Variants in KRIT1 observed in about 807,000 individuals in gnomAD.
KRIT1 encodes the protein KRIT1 ankyrin repeat containing.
In KRIT1, 45 loss-of-function variants were observed where a neutral mutation model predicts 95.8. The ratio of observed to expected loss-of-function variants is 0.47; its 90% CI spans 0.37 to 0.60. The LOEUF (loss-of-function observed/expected upper bound fraction) is 0.60. KRIT1 is among the 20% of genes least tolerant of loss of function. KRIT1 has a pLI of 0.00. For missense variants in KRIT1, 788 were observed against 877.5 expected (o/e 0.90, Z 1.29); for synonymous variants, 282 against 278.8 (o/e 1.01, Z -0.11).
chr7:92,210,758 G>A (rs1792626537), intron 17 of KRIT1, among the ~76,000 whole-genome samples: 1 of 152,166 alleles, frequency 6.6e-6, no homozygotes, highest in Admixed American at 6.5e-5. Flanking sequence ...GTGGTGAATG[G>A]GAGACAGTAT....
chr7:92,215,719 G>A (rs1249338065), intron 14 of KRIT1, among the ~76,000 whole-genome samples: 1 of 151,372 alleles, frequency 6.6e-6, no homozygotes, highest in East Asian at 1.9e-4. Context: ...GCCTCCCAAA[G>A]TGTTGGGACT....
Position 92,241,106 on chromosome 7 carries a change from T to C in KRIT1, c.149A>G (p.Lys50Arg), listed in dbSNP as rs1799533617. Reference sequence around the variant, plus strand: ...AAGTTTCGTTTCCAATAAAACTTTCTTTCTCTTTTTTTTCTGTCCTTCAAT... The same window carrying C: ...AAGTTTCGTTTCCAATAAAACTTTCCTTCTCTTTTTTTTCTGTCCTTCAAT... The part of the protein sequence containing the change: ...VPIEGQKKKR[K>R]KVLLETKLQG... Residue 50 changes from lysine to arginine, a missense_variant, in exon 5 of 19, where the codon AAG (lysine) becomes AGG (arginine). Physicochemically the swap from Lys to Arg is conservative, Grantham distance 26 (BLOSUM62 2). Around this residue, in one of 3 missense-constraint regions of KRIT1, gnomAD observed 289 missense variants for 277.5 expected, o/e 1.04. Transcript: ENST00000394505. The C allele has an allele frequency of 6.2e-7, 1 of 1,611,200 alleles. No individual in the cohort carries two copies. Among genetic ancestry groups the C allele is most frequent in the Admixed American group, 1.7e-5 (1 of 59,984 alleles).
intron 6 of KRIT1, among the ~76,000 whole-genome samples, chr7:92,236,889 AT>A (rs1269437645): frequency 6.6e-6 from 1 of 152,192 alleles, no homozygotes; most frequent in African/African-American, 2.4e-5. Context: ...CAGCTGGCTA[AT>A]AAAATACATG....
chr7:92,223,768 A>G (rs1795651255), intron 12 of KRIT1, among the ~76,000 whole-genome samples: 1 of 152,200 alleles, frequency 6.6e-6, no homozygotes, highest in South Asian at 2.1e-4. Context: ...AAAGTTATCA[A>G]TGAACTTTGA....
In KRIT1 at chr7:92,236,472, A is replaced by G. The variant is rs761025657; in HGVS notation, c.426T>C (p.Cys142=). The change falls in exon 7 of 19, where the codon TGT becomes TGC. Residue 142 remains cysteine, a synonymous_variant. Coordinates refer to ENST00000394505, the MANE Select transcript of KRIT1 (RefSeq NM_194454.3). ...FYCLQDIMRV[C]SESSTHFATL... ...TAGCAAAATGAGTACTGGATTCACTACAGACTCGCATAATATCTTGTAAGC... is the reference window on the plus strand; with the variant it reads ...TAGCAAAATGAGTACTGGATTCACTGCAGACTCGCATAATATCTTGTAAGC... The G allele has an allele frequency of 2.5e-6, 4 of 1,592,666 alleles. No homozygotes were observed. In the Admixed American group the frequency reaches 6.7e-5, roughly 27 times the overall value.
intron 17 of KRIT1, among the ~76,000 whole-genome samples, chr7:92,201,814 GC>G (rs1790236052): frequency 6.6e-6 from 1 of 151,974 alleles, no homozygotes; most frequent in Non-Finnish European, 1.5e-5. Flanking sequence ...GTGATAGTTT[GC>G]TGAGAATGAT....
chr7:92,208,315 C>T (rs1312193862), intron 17 of KRIT1, among the ~76,000 whole-genome samples: 1 of 150,930 alleles, frequency 6.6e-6, no homozygotes, highest in African/African-American at 2.4e-5. Flanking sequence ...AAAAAACCAA[C>T]CCTGAAATTA....
At position 92,213,421 on chromosome 7, in the gene KRIT1, A is replaced by G. The variant is rs778894969; in HGVS notation, c.1819-20T>C. The G allele has an allele frequency of 7.2e-6, 11 of 1,524,872 alleles. No individual in the cohort carries two copies. The highest frequency in any genetic ancestry group is 1.0e-5 in the Non-Finnish European group (11 of 1,100,846). 94.5% of individuals were successfully genotyped at this position (1,524,872 alleles called of 1,614,324 possible). A position where few individuals can be genotyped will look rare whatever the true frequency, so the allele number is the denominator to read the frequency against. On this transcript the variant is annotated intron_variant, in intron 16 of 18. Transcript: ENST00000394505. Reference sequence around the variant, plus strand: ...GAGATTCTAAAAACAAACAAGGTAAATTAAAAATAAAAGAGATATGAAAGG... The same window carrying G: ...GAGATTCTAAAAACAAACAAGGTAAGTTAAAAATAAAAGAGATATGAAAGG...
At chr7:92,224,413 G>A (rs762983862) in intron 12 of KRIT1, among the ~76,000 whole-genome samples, 23 of 152,112 alleles carry the variant, frequency 1.5e-4, no homozygotes, top group Admixed American at 3.3e-4. Flanking sequence ...AGTGCATCAC[G>A]ATTGTCTGTG....
chr7:92,205,769 A>G (rs1035856907), intron 17 of KRIT1: 1 of 152,162 alleles, frequency 6.6e-6, no homozygotes, highest in Non-Finnish European at 1.5e-5. Context: ...ATTAGATTTG[A>G]TTTTTATTAG....
rs141077427 is a variant in KRIT1, at chr7:92,243,900, T to C, written c.-3+102A>G. On this transcript the variant is annotated intron_variant, in intron 3 of 18. Transcript: ENST00000394505. The stretch of plus-strand genomic sequence containing the variant: ...GACACATTAGGATAGAGACATTTCA[T>C]TGTGTGAAAGGTTTTGAGGACGTTA... 282 of 152,314 alleles carry C rather than the reference T, an allele frequency of 1.9e-3. 1 individual carries two copies. The highest frequency in any genetic ancestry group is 6.4e-3 in the African/African-American group (267 of 41,572). 9.4% of individuals were successfully genotyped at this position (152,314 alleles called of 1,614,324 possible). A position where few individuals can be genotyped will look rare whatever the true frequency, so the allele number is the denominator to read the frequency against.
At chr7:92,209,023 G>T (rs530253987) in intron 17 of KRIT1, among the ~76,000 whole-genome samples, 1 of 152,190 alleles carries the variant, frequency 6.6e-6, no homozygotes, top group East Asian at 1.9e-4. Context: ...TGCCCGGGAG[G>T]TGAGGATGAT....
chr7:92,210,460 T>C lies in KRIT1; in HGVS notation c.2025+2735A>G, dbSNP rs375113444. On this transcript the variant is annotated intron_variant, in intron 17 of 18. Coordinates refer to ENST00000394505, the MANE Select transcript of KRIT1 (RefSeq NM_194454.3). ...AAAACACCCTGTTCAATAAATGGTGTTGGAAAAATTGGATACCCACATGCA... is the reference window on the plus strand; with the variant it reads ...AAAACACCCTGTTCAATAAATGGTGCTGGAAAAATTGGATACCCACATGCA... Among the ~76,000 whole-genome samples the C allele has an allele frequency of 3.3e-5, 5 of 152,228 alleles. No individual in the cohort carries two copies. The South Asian group carries it at 1.0e-3, about 32-fold the overall frequency.
chr7:92,236,806 A>G (rs1242627811), intron 6 of KRIT1, among the ~76,000 whole-genome samples: 2 of 152,176 alleles, frequency 1.3e-5, no homozygotes, highest in South Asian at 2.1e-4. Flanking sequence ...CTCATTAATA[A>G]GATTTCCAAT....
intron 17 of KRIT1, among the ~76,000 whole-genome samples, chr7:92,209,298 A>G (rs1432619519): frequency 1.3e-5 from 2 of 152,220 alleles, no homozygotes; most frequent in Non-Finnish European, 2.9e-5. Context: ...TAAGACAAGG[A>G]TACCCCACTT....
intron 7 of KRIT1, 109 bp downstream of exon 7, chr7:92,236,304 A>G (rs1287202467): frequency 1.3e-6 from 1 of 748,244 alleles, no homozygotes; most frequent in African/African-American, 1.8e-5. Flanking sequence ...TTTAATACAT[A>G]TATTATTTTC....
chr7:92,214,504 C>A (rs1584804349), intron 15 of KRIT1, 107 bp downstream of exon 15: 1 of 821,356 alleles, frequency 1.2e-6, no homozygotes, highest in East Asian at 2.7e-5. Context: ...TTATTTAATT[C>A]CAAACCAATG....
Position 92,235,591 on chromosome 7 carries a change from A to G in KRIT1, c.541T>C (p.Ser181Pro), listed in dbSNP as rs753158632. The stretch of plus-strand genomic sequence containing the variant: ...TTAGTTTTTATCCGCTCAAGAGGAG[A>G]AGGTCGGAATAAAGCTGGAATAAAG... The part of the protein sequence containing the change: ...SHFIPALFRP[S>P]PLERIKTNVI... Residue 181 changes from serine to proline, a missense_variant, in exon 8 of 19, where the codon TCT becomes CCT. Physicochemically the swap from Ser to Pro is moderately conservative, Grantham distance 74. Transcript: ENST00000394505. 1 of 1,613,826 alleles carries G rather than the reference A, an allele frequency of 6.2e-7. No individual in the cohort carries two copies. The highest frequency in any genetic ancestry group is 1.3e-5 in the African/African-American group (1 of 75,040).
intron 14 of KRIT1, 63 bp downstream of exon 14, chr7:92,221,839 T>C: frequency 7.0e-7 from 1 of 1,424,086 alleles, no homozygotes. Context: ...CTCTAGTGCT[T>C]ACAATAGAAA....
Sources: gnomAD v4.1 joint callset for allele counts (sites outside exome capture counted in the v4.1 genomes callset) on GRCh38, gnomAD v4.1.1 for gene constraint, gnomAD v4.1.1 regional missense constraint, MANE v1.5 for transcripts, NCBI Gene and HGNC (gene_info 2026-07-23, HGNC 2026-07-21) for gene names.